SMAD2: variants seen among roughly 807,000 people sequenced by gnomAD.
SMAD2 encodes the protein MAD homolog 2.
A neutral mutation model predicts 64.4 loss-of-function variants in SMAD2; 8 were observed. That is an observed-to-expected ratio of 0.12 (90% CI 0.07 to 0.22). The LOEUF is 0.22. Among genes scored for constraint, SMAD2 ranks in the 10% least tolerant of loss-of-function variants. The pLI, the probability that SMAD2 is intolerant of heterozygous loss-of-function variation, is 1.00. For synonymous variants in SMAD2, 203 were observed against 195.8 expected (o/e 1.04, Z -0.31); for missense variants, 289 against 561.2 (o/e 0.51, Z 4.90).
intron 1 of SMAD2, chr18:47,912,576 C>T (rs2034180110): frequency 6.6e-6 from 1 of 152,202 alleles, no homozygotes; most frequent in South Asian, 2.1e-4. Flanking sequence ...TGTGCCAGAG[C>T]TAGGCAGAGA....
At chr18:47,851,894 C>T (rs1030857921) in intron 6 of SMAD2, among the ~76,000 whole-genome samples, 2 of 152,124 alleles carry the variant, frequency 1.3e-5, no homozygotes, top group Non-Finnish European at 2.9e-5. Flanking sequence ...CTGAAAGATA[C>T]ATTCTTCAAG....
At position 47,817,068 on chromosome 18, in the gene SMAD2, T is replaced by TG. The variant is rs1642255839; in HGVS notation, c.*24758dup. ...AAGCCACCGCGCACGGCCCATGACATGCGTATTTCTACAGCAATGCTGTAT... is the reference window on the plus strand; with the variant it reads ...AAGCCACCGCGCACGGCCCATGACATGGCGTATTTCTACAGCAATGCTGTAT... On this transcript the variant is annotated 3_prime_UTR_variant, in exon 11 of 11. Coordinates refer to ENST00000262160, the MANE Select transcript of SMAD2 (RefSeq NM_005901.6). The TG allele has an allele frequency of 6.6e-6, 1 of 151,958 alleles. No individual in the cohort carries two copies. The highest frequency in any genetic ancestry group is 2.1e-4 in the South Asian group (1 of 4,808). The allele number at this position is 151,958 out of a possible 1,614,324, so 9.4% of individuals were successfully genotyped here.
chr18:47,881,011 A>C (rs1879327243), intron 2 of SMAD2, among the ~76,000 whole-genome samples: 3 of 152,208 alleles, frequency 2.0e-5, no homozygotes, highest in South Asian at 2.1e-4. Context: ...TGGTGCTTCA[A>C]GGCCAGAAAG....
chr18:47,907,099 G>C (rs1232356920), intron 1 of SMAD2, among the ~76,000 whole-genome samples: 2 of 152,128 alleles, frequency 1.3e-5, no homozygotes, highest in Admixed American at 6.5e-5. Flanking sequence ...CTGCTGAAAT[G>C]AAAGTATAAA....
At chr18:47,886,586 T>C (rs972871930) in intron 2 of SMAD2, among the ~76,000 whole-genome samples, 3 of 151,172 alleles carry the variant, frequency 2.0e-5, no homozygotes, top group African/African-American at 7.4e-5. Context: ...TCTATCTATC[T>C]ATCTATCTAT....
intron 6 of SMAD2, chr18:47,853,089 T>C (rs545467197): frequency 6.1e-6 from 1 of 165,176 alleles, no homozygotes; most frequent in South Asian, 2.1e-4. Context: ...CCCAGCACTT[T>C]GGGAGACTGA....
intron 2 of SMAD2, among the ~76,000 whole-genome samples, chr18:47,891,824 C>A (rs1187271808): frequency 6.6e-6 from 1 of 152,006 alleles, no homozygotes; most frequent in Non-Finnish European, 1.5e-5. Flanking sequence ...CATAAATAGA[C>A]ACGAATTAAA....
chr18:47,845,622 A>C, intron 9 of SMAD2, 41 bp downstream of exon 9: 1 of 1,610,344 alleles, frequency 6.2e-7, no homozygotes, highest in Middle Eastern at 1.7e-4. Flanking sequence ...AAAACTAAGC[A>C]AGTTGACATG....
rs1174212819 is a variant in SMAD2 at position 47,827,208 on chromosome 18, C to CTTCA, written c.*14618_*14619insTGAA. ...AAGGTAACTGAAGTATTTGACTGTACAGGACTGCTTCCTTCAAGTGTTCCA... is the reference window on the plus strand; with the variant it reads ...AAGGTAACTGAAGTATTTGACTGTACTTCAAGGACTGCTTCCTTCAAGTGTTCCA... On this transcript the variant is annotated 3_prime_UTR_variant, in exon 11 of 11. Transcript: ENST00000262160. The CTTCA allele has an allele frequency of 6.6e-6, 1 of 152,182 alleles. No individual in the cohort carries two copies. The highest frequency in any genetic ancestry group is 2.4e-5 in the African/African-American group (1 of 41,442). 9.4% of individuals were successfully genotyped at this position (152,182 alleles called of 1,614,324 possible). A position where few individuals can be genotyped will look rare whatever the true frequency, so the allele number is the denominator to read the frequency against.
intron 2 of SMAD2, among the ~76,000 whole-genome samples, chr18:47,879,380 C>A (rs886831728): frequency 6.6e-6 from 1 of 152,082 alleles, no homozygotes; most frequent in Non-Finnish European, 1.5e-5. Context: ...GATCTTTTCA[C>A]CATAGGTGTC....
intron 1 of SMAD2, among the ~76,000 whole-genome samples, chr18:47,914,704 T>G (rs2034269593): frequency 6.6e-6 from 1 of 152,200 alleles, no homozygotes; most frequent in South Asian, 2.1e-4. Flanking sequence ...TTCTGTTATT[T>G]GTTCACACTT....
rs1309600929 is a variant in SMAD2, at chr18:47,832,700, G to A, written c.*9127C>T. ...TATTTTTCAATGGAGCCTTAAAAATGTTATTTTGTTAAAAGTATATTTCAG... is the reference window on the plus strand; with the variant it reads ...TATTTTTCAATGGAGCCTTAAAAATATTATTTTGTTAAAAGTATATTTCAG... On this transcript the variant is annotated 3_prime_UTR_variant, in exon 11 of 11. Transcript: ENST00000262160. 1 of 152,016 alleles carries A rather than the reference G, an allele frequency of 6.6e-6. No homozygotes were observed. The highest frequency in any genetic ancestry group is 2.4e-5 in the African/African-American group (1 of 41,392). The allele number at this position is 152,016 out of a possible 1,614,324, so 9.4% of individuals were successfully genotyped here.
Position 47,841,768 on chromosome 18 carries a change from A to G in SMAD2, c.*59T>C. 1.2e-6 allele frequency: 2 copies of G among 1,605,822 alleles called. No homozygotes were observed. Among genetic ancestry groups the G allele is most frequent in the Non-Finnish European group, 1.7e-6 (2 of 1,172,974 alleles). On this transcript the variant is annotated 3_prime_UTR_variant, in exon 11 of 11. Coordinates refer to ENST00000262160, the MANE Select transcript of SMAD2 (RefSeq NM_005901.6). The stretch of plus-strand genomic sequence containing the variant: ...AAACAGTCCATAGGGACCACACACA[A>G]TGCTATGACAGAAGAGTTGTTACAT...
intron 1 of SMAD2, among the ~76,000 whole-genome samples, chr18:47,921,670 C>T (rs2034566496): frequency 1.3e-5 from 2 of 152,086 alleles, no homozygotes; most frequent in Admixed American, 1.3e-4. Flanking sequence ...GCACACAGTT[C>T]CCACAGTTCT....
chr18:47,924,934 A>G (rs904551613), intron 1 of SMAD2, among the ~76,000 whole-genome samples: 4 of 152,234 alleles, frequency 2.6e-5, no homozygotes, highest in Non-Finnish European at 5.9e-5. Context: ...CAGATTCACT[A>G]TGCTACTTCC....
intron 6 of SMAD2, among the ~76,000 whole-genome samples, chr18:47,854,575 T>C (rs1174901990): frequency 6.6e-6 from 1 of 152,200 alleles, no homozygotes; most frequent in African/African-American, 2.4e-5. Flanking sequence ...TCTTCTTGAT[T>C]TGTAAGTTTT....
In SMAD2 at chr18:47,839,152, T is replaced by C. The variant is rs372841980; in HGVS notation, c.*2675A>G. On this transcript the variant is annotated 3_prime_UTR_variant, in exon 11 of 11. Transcript: ENST00000262160. ...CTGCTCAACAGGTATAACTGCTCAA[T>C]AGGTGTTTTCAAAGAGTTGAGTCCC... 5 of 233,204 alleles carry C rather than the reference T, an allele frequency of 2.1e-5. No homozygotes were observed. The highest frequency in any genetic ancestry group is 8.8e-5 in the African/African-American group (4 of 45,324). The allele number at this position is 233,204 out of a possible 1,614,324, so 14.4% of individuals were successfully genotyped here.
rs1035729306 is a variant in SMAD2, at chr18:47,840,631, C to G, written c.*1196G>C. ...AAACAGATGGCCCATATCTGCTGAT[C>G]CTACCTCAGCATCACTTTTCTAGGT... is the stretch of plus-strand genomic sequence containing the variant. On this transcript the variant is annotated 3_prime_UTR_variant, in exon 11 of 11. Transcript: ENST00000262160. 4 of 231,818 alleles carry G rather than the reference C, an allele frequency of 1.7e-5. No individual in the cohort carries two copies. The highest frequency in any genetic ancestry group is 8.8e-5 in the African/African-American group (4 of 45,270). 14.4% of individuals were successfully genotyped at this position (231,818 alleles called of 1,614,324 possible).
intron 3 of SMAD2, among the ~76,000 whole-genome samples, 196 bp downstream of exon 3, chr18:47,870,279 T>G (rs1042513550): frequency 6.6e-6 from 1 of 152,198 alleles, no homozygotes; most frequent in Non-Finnish European, 1.5e-5. Flanking sequence ...AAACTAGAAT[T>G]GCATTGATTA....
Sources: allele counts gnomAD v4.1 joint callset (sites outside exome capture counted in the v4.1 genomes callset), GRCh38; gene constraint gnomAD v4.1.1; transcripts MANE v1.5; gene names NCBI Gene and HGNC (gene_info 2026-07-23, HGNC 2026-07-21).